TMIGD3: variants seen among roughly 807,000 people sequenced by gnomAD.
The protein encoded by TMIGD3 is AD026 protein (AD026).
In TMIGD3, 21 loss-of-function variants were observed where a neutral mutation model predicts 28.1. The observed-to-expected ratio is 0.75, with a 90% CI of 0.53 to 1.08. The LOEUF (loss-of-function observed/expected upper bound fraction) is 1.08, where lower values mean the gene tolerates loss of function less well. TMIGD3 is among the 50% of genes least tolerant of loss of function. TMIGD3 has a pLI of 0.00. For synonymous variants in TMIGD3, 151 were observed against 162.1 expected (o/e 0.93, Z 0.52); for missense variants, 416 against 435.6 (o/e 0.96, Z 0.40).
chr1:111,503,356 T>C lies in TMIGD3; in HGVS notation c.-2A>G. On this transcript the variant is annotated 5_prime_UTR_variant, in exon 1 of 6. Transcript: ENST00000369716. ...CAGAGCAGTGCTGTTGTTGGGCATCTTGCCTTCCCAGGGGAACCTCCACAG... is the reference window on the plus strand; with the variant it reads ...CAGAGCAGTGCTGTTGTTGGGCATCCTGCCTTCCCAGGGGAACCTCCACAG... The C allele has an allele frequency of 6.2e-7, 1 of 1,605,450 alleles. No individual in the cohort carries two copies.
chr1:111,488,211 C>T (rs900495271), intron 3 of TMIGD3, among the ~76,000 whole-genome samples: 55 of 151,688 alleles, frequency 3.6e-4, no homozygotes, highest in African/African-American at 1.1e-3. Flanking sequence ...GATTCTAGAC[C>T]GACAAGGCAC....
At chr1:111,506,515 G>A (rs1655494234), upstream of TMIGD3, among the ~76,000 whole-genome samples, 1 of 152,224 alleles carries the variant, frequency 6.6e-6, no homozygotes, top group African/African-American at 2.4e-5. Flanking sequence ...CTAGGCAGTG[G>A]CGAAGCCAGC....
chr1:111,491,655 C>T (rs1654670561), intron 1 of TMIGD3, among the ~76,000 whole-genome samples: 1 of 152,142 alleles, frequency 6.6e-6, no homozygotes, highest in East Asian at 1.9e-4. Context: ...TACATCACCT[C>T]AGTTGCTCCT....
chr1:111,536,796 C>T (rs924585453), intron 1 of TMIGD3, among the ~76,000 whole-genome samples: 4 of 150,548 alleles, frequency 2.7e-5, no homozygotes, highest in Non-Finnish European at 3.0e-5. Flanking sequence ...ACTGTTCCTC[C>T]GTGTGGTTGT....
rs75096928 is a variant in TMIGD3 at position 111,500,767 on chromosome 1, G to A, written c.350+2238C>T. On this transcript the variant is annotated intron_variant, in intron 1 of 5. Transcript: ENST00000369716. ...AAGACAAGATGAGCAGACAACGATT[G>A]GAGAAAAATCCAGGAAACTTCTCTG... 5.8e-4 allele frequency: 330 copies of A among 570,520 alleles called. 1 individual carries two copies. The East Asian group carries it at 9.0e-3, about 16-fold the overall frequency. 35.3% of individuals were successfully genotyped at this position (570,520 alleles called of 1,614,324 possible). A position where few individuals can be genotyped will look rare whatever the true frequency, so the allele number is the denominator to read the frequency against.
chr1:111,514,770 G>A (rs751409416), intron 1 of TMIGD3, among the ~76,000 whole-genome samples: 54 of 151,934 alleles, frequency 3.6e-4, no homozygotes, highest in Admixed American at 5.2e-4. Context: ...CACAATAATG[G>A]TAACACTCCA....
chr1:111,510,482 A>G (rs1655653126), intron 1 of TMIGD3, among the ~76,000 whole-genome samples: 1 of 152,176 alleles, frequency 6.6e-6, no homozygotes, highest in Admixed American at 6.5e-5. Context: ...TTTTCTTAAT[A>G]AACTAGACTG....
At chr1:111,499,745 T>C in intron 1 of TMIGD3, 1 of 1,399,604 alleles carries the variant, frequency 7.1e-7, no homozygotes, top group Non-Finnish European at 9.3e-7. Flanking sequence ...AACACTGAAT[T>C]AGAGAGAAAG....
At chr1:111,555,142 G>A (rs1308064761) in intron 1 of TMIGD3, among the ~76,000 whole-genome samples, 2 of 151,942 alleles carry the variant, frequency 1.3e-5, no homozygotes, top group Admixed American at 6.6e-5. Context: ...GAGGCAAGAG[G>A]ATCAGTTGAG....
At chr1:111,523,232 C>T (rs1446834074) in intron 1 of TMIGD3, among the ~76,000 whole-genome samples, 2 of 152,150 alleles carry the variant, frequency 1.3e-5, no homozygotes, top group African/African-American at 4.8e-5. Context: ...CATCTATTGA[C>T]ACAATGATAT....
intron 1 of TMIGD3, among the ~76,000 whole-genome samples, chr1:111,537,690 G>A (rs1656686120): frequency 6.6e-6 from 1 of 151,972 alleles, no homozygotes; most frequent in East Asian, 1.9e-4. Context: ...TAAAGAATTA[G>A]AAAGAAAGTC....
At chr1:111,524,894 A>G (rs1023072626) in intron 1 of TMIGD3, among the ~76,000 whole-genome samples, 2 of 152,226 alleles carry the variant, frequency 1.3e-5, no homozygotes, top group Admixed American at 1.3e-4. Context: ...TGCTGGGATT[A>G]CAGGCATGAG....
intron 3 of TMIGD3, among the ~76,000 whole-genome samples, chr1:111,486,948 G>T (rs1166086558): frequency 3.3e-5 from 5 of 152,144 alleles, no homozygotes; most frequent in Non-Finnish European, 7.4e-5. Flanking sequence ...TTGAACAAAG[G>T]CCCCACGTAG....
rs5777065 is a variant in TMIGD3 at position 111,558,352 on chromosome 1, A to AT, written c.107+5493dup. 4.0e-3 allele frequency among the ~76,000 whole-genome samples: 580 copies of AT among 145,056 alleles called. 3 individuals are homozygous for AT. Among genetic ancestry groups the AT allele is most frequent in the African/African-American group, 0.011 (431 of 39,514 alleles). On this transcript the variant is annotated intron_variant, in intron 1 of 5. Coordinates refer to the TMIGD3 transcript ENST00000369717. ...GCCACCACTCCCAGCTAATTTTTCT[A>AT]TTTTTTTTTTTTTGTCTTAAGACAG...
intron 1 of TMIGD3, among the ~76,000 whole-genome samples, chr1:111,491,988 C>T (rs1654688974): frequency 6.6e-6 from 1 of 152,160 alleles, no homozygotes; most frequent in South Asian, 2.1e-4. Context: ...TAAAATATGG[C>T]AGAAGTGATG....
intron 1 of TMIGD3, among the ~76,000 whole-genome samples, chr1:111,520,095 T>C (rs987949225): frequency 2.0e-5 from 3 of 152,176 alleles, no homozygotes; most frequent in Non-Finnish European, 4.4e-5. Flanking sequence ...CCTCTTTCCA[T>C]ATGGTCTTCA....
chr1:111,491,527 C>T (rs1311466825), intron 1 of TMIGD3, among the ~76,000 whole-genome samples: 1 of 152,188 alleles, frequency 6.6e-6, no homozygotes, highest in Non-Finnish European at 1.5e-5. Context: ...AAGGGTCATA[C>T]ATAGATTGTC....
Position 111,503,439 on chromosome 1 carries a change from C to G in TMIGD3, c.-85G>C. 6.7e-7 allele frequency: 1 copy of G among 1,497,396 alleles called. No individual in the cohort carries two copies. Among genetic ancestry groups the G allele is most frequent in the Non-Finnish European group, 8.9e-7 (1 of 1,118,204 alleles). The allele number at this position is 1,497,396 out of a possible 1,614,324, so 92.8% of individuals were successfully genotyped here. A position where few individuals can be genotyped will look rare whatever the true frequency, so the allele number is the denominator to read the frequency against. On this transcript the variant is annotated 5_prime_UTR_variant, in exon 1 of 6. Coordinates refer to ENST00000369716, the MANE Select transcript of TMIGD3 (RefSeq NM_020683.7). ...GCCAGTGGGCCTAGCTCTCGCCAGA[C>G]GTCTTCCCAGAGGTCCATGTGCAGT...
intron 1 of TMIGD3, among the ~76,000 whole-genome samples, chr1:111,551,721 T>G (rs1201153580): frequency 6.6e-6 from 1 of 151,374 alleles, no homozygotes; most frequent in Non-Finnish European, 1.5e-5. Flanking sequence ...GGCAGTGGTT[T>G]TTTGGTTTTG....
Sources: gnomAD v4.1 joint callset for allele counts (sites outside exome capture counted in the v4.1 genomes callset) on GRCh38, gnomAD v4.1.1 for gene constraint, MANE v1.5 for transcripts, NCBI Gene and HGNC (gene_info 2026-07-23, HGNC 2026-07-21) for gene names.